The following PRKD1 variants were observed in gnomAD, a reference collection of about 807,000 sequenced individuals.
The protein encoded by PRKD1 is protein kinase D1, also known as serine/threonine-protein kinase D1.
In PRKD1, 63 loss-of-function variants were observed where a neutral mutation model predicts 95.9. The observed-to-expected ratio is 0.66, with a 90% CI of 0.54 to 0.81. The LOEUF (loss-of-function observed/expected upper bound fraction) is 0.81, where lower values mean the gene tolerates loss of function less well. Ranked by LOEUF, PRKD1 falls within the 30% of genes least tolerant of loss-of-function variation. PRKD1 has a pLI of 0.00. For synonymous variants in PRKD1, 425 were observed against 423.1 expected (o/e 1.00, Z -0.05); for missense variants, 1,048 against 1,165.3 (o/e 0.90, Z 1.47).
intron 1 of PRKD1, among the ~76,000 whole-genome samples, chr14:29,815,702 G>A (rs979156543): frequency 1.3e-5 from 2 of 152,180 alleles, no homozygotes; most frequent in African/African-American, 4.8e-5. Context: ...CTAAGTAGAT[G>A]CATAGTCCAT....
chr14:29,671,014 G>T (rs1381639203), intron 2 of PRKD1, among the ~76,000 whole-genome samples: 1 of 152,068 alleles, frequency 6.6e-6, no homozygotes, highest in Non-Finnish European at 1.5e-5. Flanking sequence ...TTAGTGAGGT[G>T]CAATGATGGG....
chr14:29,762,207 T>C (rs1888026920), intron 1 of PRKD1, among the ~76,000 whole-genome samples: 1 of 151,244 alleles, frequency 6.6e-6, no homozygotes, highest in Non-Finnish European at 1.5e-5. Context: ...ATCAGGACAC[T>C]ATGTGTGTAA....
intron 6 of PRKD1, among the ~76,000 whole-genome samples, 192 bp from the exon 7 acceptor site, chr14:29,636,686 T>G (rs1167864442): frequency 1.3e-5 from 2 of 152,174 alleles, no homozygotes; most frequent in Non-Finnish European, 2.9e-5. Context: ...ATAGGTAAAC[T>G]TGTGTCATGG....
intron 2 of PRKD1, among the ~76,000 whole-genome samples, chr14:29,686,026 G>C: frequency 6.6e-6 from 1 of 152,190 alleles, no homozygotes; most frequent in South Asian, 2.1e-4. Context: ...GTATTATAAG[G>C]GGGGAAGACA....
At chr14:29,889,955 C>T (rs926941040) in intron 1 of PRKD1, among the ~76,000 whole-genome samples, 2 of 152,164 alleles carry the variant, frequency 1.3e-5, no homozygotes, top group African/African-American at 4.8e-5. Context: ...ACCTATTCTA[C>T]GGCAGACACT....
intron 1 of PRKD1, among the ~76,000 whole-genome samples, chr14:29,910,287 G>A (rs920488999): frequency 6.6e-5 from 10 of 152,020 alleles, no homozygotes; most frequent in African/African-American, 9.7e-5. Context: ...GACACTCACC[G>A]CGAAGGTCTG....
intron 1 of PRKD1, among the ~76,000 whole-genome samples, chr14:29,753,495 T>G (rs748144838): frequency 6.6e-6 from 1 of 152,130 alleles, no homozygotes; most frequent in Non-Finnish European, 1.5e-5. Context: ...TGAATATAAT[T>G]GAAACAACAC....
At chr14:29,926,111 A>AT (rs887978587) in intron 1 of PRKD1, among the ~76,000 whole-genome samples, 32 of 152,306 alleles carry the variant, frequency 2.1e-4, no homozygotes, top group Non-Finnish European at 3.5e-4. Flanking sequence ...TAGATCAGTG[A>AT]TTTTTTTCCA....
intron 1 of PRKD1, among the ~76,000 whole-genome samples, chr14:29,788,079 C>G (rs572917870): frequency 1.3e-5 from 2 of 152,238 alleles, no homozygotes; most frequent in Admixed American, 1.3e-4. Flanking sequence ...TATAGGACTA[C>G]CTTAGTATTT....
chr14:29,745,620 C>T (rs1227858404), intron 1 of PRKD1, among the ~76,000 whole-genome samples: 1 of 152,044 alleles, frequency 6.6e-6, no homozygotes, highest in African/African-American at 2.4e-5. Context: ...AGGCACATGC[C>T]GCCATGCCCA....
At chr14:29,890,919 A>C (rs1893916511) in intron 1 of PRKD1, among the ~76,000 whole-genome samples, 1 of 152,124 alleles carries the variant, frequency 6.6e-6, no homozygotes, top group Non-Finnish European at 1.5e-5. Flanking sequence ...TATGATTTTG[A>C]AAATTCTATC....
chr14:29,606,479 T>G (rs755575566), intron 13 of PRKD1, among the ~76,000 whole-genome samples: 2 of 152,206 alleles, frequency 1.3e-5, no homozygotes, highest in African/African-American at 2.4e-5. Flanking sequence ...TCAGTGTTTT[T>G]GTAAAGATTT....
At position 29,600,505 on chromosome 14, in the gene PRKD1, C is replaced by A. The variant is rs1031235814; in HGVS notation, c.1906-688G>T. On this transcript the variant is annotated intron_variant, in intron 13 of 17. Transcript: ENST00000331968. ...GATATTTTTCGATAAGTACAGTTGG[C>A]CCTTGGTATCTGTGGGTTCTGCATC... is the stretch of plus-strand genomic sequence containing the variant. 3.9e-5 allele frequency among the ~76,000 whole-genome samples: 6 copies of A among 152,070 alleles called. No individual in the cohort carries two copies. In the South Asian group the frequency reaches 1.0e-3, roughly 26 times the overall value.
chr14:29,765,368 A>T (rs1888210998), intron 1 of PRKD1, among the ~76,000 whole-genome samples: 1 of 152,134 alleles, frequency 6.6e-6, no homozygotes, highest in African/African-American at 2.4e-5. Flanking sequence ...TGAATACTTT[A>T]GTATCGAGCC....
chr14:29,719,517 C>G (rs1885783231), intron 2 of PRKD1, among the ~76,000 whole-genome samples: 1 of 152,074 alleles, frequency 6.6e-6, no homozygotes, highest in Non-Finnish European at 1.5e-5. Context: ...TTTACTTGTT[C>G]AAGTTCAAAG....
intron 13 of PRKD1, among the ~76,000 whole-genome samples, chr14:29,608,323 C>A (rs958320146): frequency 1.3e-5 from 2 of 152,114 alleles, no homozygotes; most frequent in East Asian, 1.9e-4. Flanking sequence ...ACTTTATCCT[C>A]ATTTAGTGAA....
At chr14:29,923,810 GAAAAAAA>G (rs768450153) in intron 1 of PRKD1, among the ~76,000 whole-genome samples, 11 of 99,990 alleles carry the variant, frequency 1.1e-4, no homozygotes, top group African/African-American at 1.8e-4. Flanking sequence ...CTCATTTGAG[GAAAAAAA>G]AAAAAAAAAA....
At chr14:29,829,148 T>C (rs1466473134) in intron 1 of PRKD1, among the ~76,000 whole-genome samples, 1 of 152,164 alleles carries the variant, frequency 6.6e-6, no homozygotes, top group African/African-American at 2.4e-5. Flanking sequence ...AAGAAAACTT[T>C]GGATGAGTCC....
At chr14:29,633,057 G>T (rs1190407025) in intron 8 of PRKD1, 111 bp from the exon 9 acceptor site, 2 of 994,984 alleles carry the variant, frequency 2.0e-6, no homozygotes, top group African/African-American at 1.6e-5. Flanking sequence ...GGTGGAAAGT[G>T]CATGGGCTTT....
Sources: allele counts gnomAD v4.1 joint callset (sites outside exome capture counted in the v4.1 genomes callset), GRCh38; gene constraint gnomAD v4.1.1; transcripts MANE v1.5; gene names NCBI Gene and HGNC (gene_info 2026-07-23, HGNC 2026-07-21).